The following AK8 variants were observed in gnomAD, a reference collection of about 807,000 sequenced individuals.
The protein encoded by AK8 is ATP-AMP transphosphorylase 8.
Under a neutral mutation model 54.6 loss-of-function variants are expected in AK8, and 44 were observed. The ratio of observed to expected loss-of-function variants is 0.81; its 90% CI spans 0.63 to 1.04. The LOEUF is 1.04. Among genes scored for constraint, AK8 ranks in the 50% least tolerant of loss-of-function variants. The pLI, the probability that AK8 is intolerant of heterozygous loss-of-function variation, is 0.00. For missense variants in AK8, 555 were observed against 613.6 expected (o/e 0.90, Z 1.01); for synonymous variants, 239 against 245.6 (o/e 0.97, Z 0.25).
intron 10 of AK8, among the ~76,000 whole-genome samples, chr9:132,808,273 C>T (rs543009421): frequency 6.6e-6 from 1 of 152,232 alleles, no homozygotes; most frequent in African/African-American, 2.4e-5. Context: ...ACTCCACGTG[C>T]GGAGCCCTGG....
At chr9:132,785,624 A>C (rs1839665597) in intron 11 of AK8, among the ~76,000 whole-genome samples, 1 of 152,236 alleles carries the variant, frequency 6.6e-6, no homozygotes, top group South Asian at 2.1e-4. Context: ...AACCATAATG[A>C]AGCACAAAAT....
At chr9:132,753,671 C>A (rs188894498) in intron 11 of AK8, among the ~76,000 whole-genome samples, 1 of 152,158 alleles carries the variant, frequency 6.6e-6, no homozygotes, top group East Asian at 1.9e-4. Context: ...CCAGCTGGGG[C>A]GGAAGGGCAC....
At chr9:132,876,552 G>A (rs540190352) in intron 1 of AK8, among the ~76,000 whole-genome samples, 1 of 152,262 alleles carries the variant, frequency 6.6e-6, no homozygotes, top group South Asian at 2.1e-4. Flanking sequence ...TAAAAATGGA[G>A]GAAATCCAAA....
chr9:132,739,845 G>T (rs1445513938), intron 11 of AK8, among the ~76,000 whole-genome samples: 1 of 152,252 alleles, frequency 6.6e-6, no homozygotes, highest in Non-Finnish European at 1.5e-5. Context: ...CTAGGTCCAG[G>T]CCCCAAGGGG....
At chr9:132,728,085 A>G (rs1836657710) in intron 11 of AK8, among the ~76,000 whole-genome samples, 1 of 152,174 alleles carries the variant, frequency 6.6e-6, no homozygotes, top group Non-Finnish European at 1.5e-5. Flanking sequence ...TAAGACAAGA[A>G]CAAGCAGATG....
chr9:132,749,225 C>T (rs528022270), intron 11 of AK8, among the ~76,000 whole-genome samples: 8 of 151,968 alleles, frequency 5.3e-5, no homozygotes, highest in Admixed American at 3.3e-4. Flanking sequence ...CATAATTTCA[C>T]GCAATCTTCT....
intron 9 of AK8, among the ~76,000 whole-genome samples, chr9:132,820,834 C>T (rs1372894656): frequency 6.6e-6 from 1 of 152,196 alleles, no homozygotes; most frequent in Non-Finnish European, 1.5e-5. Flanking sequence ...GCAGACAGCA[C>T]CTGGAGCTCT....
intron 4 of AK8, among the ~76,000 whole-genome samples, chr9:132,859,388 C>CA (rs1184580345): frequency 6.6e-6 from 1 of 152,118 alleles, no homozygotes; most frequent in Non-Finnish European, 1.5e-5. Flanking sequence ...AGGCGCCCCC[C>CA]ACCATGCCCA....
At chr9:132,788,787 A>G (rs922548750) in intron 11 of AK8, among the ~76,000 whole-genome samples, 1 of 152,208 alleles carries the variant, frequency 6.6e-6, no homozygotes, top group Non-Finnish European at 1.5e-5. Flanking sequence ...CCTGAGTTTT[A>G]AAAACTCTCT....
At chr9:132,832,162 A>AC (rs1180020211) in intron 5 of AK8, among the ~76,000 whole-genome samples, 1 of 151,564 alleles carries the variant, frequency 6.6e-6, no homozygotes, top group Non-Finnish European at 1.5e-5. Context: ...AAAAAAAAAA[A>AC]AAAAACCTAA....
intron 10 of AK8, among the ~76,000 whole-genome samples, chr9:132,793,170 T>C (rs1840020389): frequency 6.6e-6 from 1 of 152,172 alleles, no homozygotes; most frequent in Non-Finnish European, 1.5e-5. Flanking sequence ...GGGCCTATTT[T>C]CTGGTTCACA....
rs1274064621 is a variant in AK8 at position 132,792,789 on chromosome 9, GGGCAA to G, written c.980-19_980-15del. 4.5e-6 allele frequency: 7 copies of G among 1,554,688 alleles called. No individual in the cohort carries two copies. Among genetic ancestry groups the G allele is most frequent in the Non-Finnish European group, 6.1e-6 (7 of 1,148,584 alleles). ...GGCTGTCAGGAACTGCAGAGAAGGG[GGGCAA>G]GTGAGTACCCTGCTGGCCGGCAGCC... On this transcript the variant is annotated splice_polypyrimidine_tract_variant and intron_variant, in intron 10 of 12. Transcript: ENST00000298545.
At chr9:132,785,598 G>A (rs1054446070) in intron 11 of AK8, among the ~76,000 whole-genome samples, 9 of 152,116 alleles carry the variant, frequency 5.9e-5, no homozygotes, top group Non-Finnish European at 1.2e-4. Context: ...ATAAAGAAAA[G>A]ATGGAAAACA....
Position 132,794,743 on chromosome 9 carries a change from C to A in AK8, c.980-1968G>T, listed in dbSNP as rs188885896. ...CAAAAGTAATCAACTCTGTTAAAAT[C>A]AACTTGACCAGACTTTGGGGAAGCC... On this transcript the variant is annotated intron_variant, in intron 10 of 12. Coordinates refer to ENST00000298545, the MANE Select transcript of AK8 (RefSeq NM_152572.3). Among the ~76,000 whole-genome samples, 14 of 152,306 alleles carry A rather than the reference C, an allele frequency of 9.2e-5. No individual in the cohort carries two copies. In the South Asian group the frequency reaches 2.9e-3, roughly 32 times the overall value.
At position 132,843,702 on chromosome 9, in the gene AK8, C is replaced by A. The variant is rs534255422; in HGVS notation, c.402+11155G>T. 2.6e-5 allele frequency among the ~76,000 whole-genome samples: 4 copies of A among 152,176 alleles called. No individual in the cohort carries two copies. The South Asian group carries it at 8.3e-4, about 32-fold the overall frequency. ...CACAACCACATTTATTTTAAAATAA[C>A]AAATGTTTCTCTATGTTTAAAGTCA... is the stretch of plus-strand genomic sequence containing the variant. On this transcript the variant is annotated intron_variant, in intron 5 of 12. Coordinates refer to ENST00000298545, the MANE Select transcript of AK8 (RefSeq NM_152572.3).
rs112334787 is a variant in AK8 at position 132,799,032 on chromosome 9, C to T, written c.980-6257G>A. 0.018 allele frequency among the ~76,000 whole-genome samples: 2,735 copies of T among 152,308 alleles called. 95 individuals carry two copies. The highest frequency in any genetic ancestry group is 0.063 in the African/African-American group (2,611 of 41,550). On this transcript the variant is annotated intron_variant, in intron 10 of 12. Transcript: ENST00000298545. The surrounding 1 kb of genome is among the most constrained non-coding windows in gnomAD (Gnocchi z 5.0). ...GGCAGCACTGACTCCTCCCGGGCTG[C>T]AGGTCTGGCTTCAGTCACCCTCGGT...
intron 11 of AK8, among the ~76,000 whole-genome samples, chr9:132,761,274 T>TC: frequency 6.7e-6 from 1 of 148,688 alleles, no homozygotes; most frequent in East Asian, 1.9e-4. Flanking sequence ...CTTTTCTTTT[T>TC]TTTTTTTTTT....
At chr9:132,857,419 C>T (rs1477211779) in intron 4 of AK8, among the ~76,000 whole-genome samples, 1 of 152,142 alleles carries the variant, frequency 6.6e-6, no homozygotes, top group Admixed American at 6.6e-5. Context: ...TGTCTTTCCG[C>T]CAGTGCCCGT....
intron 11 of AK8, among the ~76,000 whole-genome samples, chr9:132,752,529 G>T (rs969330286): frequency 1.3e-5 from 2 of 152,184 alleles, no homozygotes; most frequent in East Asian, 3.9e-4. Context: ...GATTACAGGC[G>T]TGAGCCACTG....
Sources: allele counts gnomAD v4.1 joint callset (sites outside exome capture counted in the v4.1 genomes callset), GRCh38; gene constraint gnomAD v4.1.1; non-coding constraint Gnocchi (gnomAD v3.1); transcripts MANE v1.5; gene names NCBI Gene and HGNC (gene_info 2026-07-23, HGNC 2026-07-21).